The following TXNDC11 variants were observed in gnomAD, a reference collection of about 807,000 sequenced individuals.
TXNDC11 encodes the protein thioredoxin domain containing 11, also known as thioredoxin domain-containing protein 11.
In TXNDC11, 68 loss-of-function variants were observed where a neutral mutation model predicts 78.0. The observed-to-expected ratio is 0.87, with a 90% CI of 0.72 to 1.07. TXNDC11 has a LOEUF of 1.07. Ranked by LOEUF, TXNDC11 falls within the 50% of genes least tolerant of loss-of-function variation. TXNDC11 has a pLI of 0.00. For synonymous variants in TXNDC11, 571 were observed against 495.2 expected, an observed-to-expected ratio of 1.15 and a Z score of -2.03; for missense variants, 1,389 against 1,221.8, an observed-to-expected ratio of 1.14 and a Z score of -2.04.
Position 11,692,045 on chromosome 16 carries a change from C to G in TXNDC11, c.1145G>C (p.Gly382Ala), listed in dbSNP as rs754173608. 1.6e-5 allele frequency: 24 copies of G among 1,540,556 alleles called. No homozygotes were observed. Among genetic ancestry groups the G allele is most frequent in the East Asian group, 9.0e-5 (4 of 44,304 alleles). The change falls in exon 8 of 12, where the codon GGG becomes GCG. Residue 382 changes from glycine (G) to alanine (A), a missense_variant. By Grantham distance (60) the Gly-to-Ala change is moderately conservative. Coordinates refer to ENST00000283033, the MANE Select transcript of TXNDC11 (RefSeq NM_015914.7). ...EVALEYNNCHGDQVVERLLQH... is the reference protein window; with the variant it reads ...EVALEYNNCHADQVVERLLQH... ...AAGGAGACGCTCCACCACCTGGTCC[C>G]CATGACAGTTGTTGTACTCCAAGGC...
chr16:11,679,766 T>C lies in TXNDC11; in HGVS notation c.2306A>G (p.His769Arg), dbSNP rs1281645011. 1 of 1,614,134 alleles carries C rather than the reference T, an allele frequency of 6.2e-7. No homozygotes were observed. Among genetic ancestry groups the C allele is most frequent in the Non-Finnish European group, 8.5e-7 (1 of 1,180,030 alleles). The change falls in exon 12 of 12, where the codon CAT becomes CGT. Residue 769 changes from histidine (H) to arginine (R), a missense_variant. Transcript: ENST00000283033. The surrounding 1 kb of genome is among the most constrained non-coding windows in gnomAD (Gnocchi z 4.6). ...GGGGCTGGAAGCAGGGTCTGAGTGA[T>C]GCAAAATGAACCTCAACAGGTTTGG... ...TLPNLLRFIL[H>R]HSDPASSPQN... is the part of the protein sequence containing the mutation.
chr16:11,699,887 C>G (rs2050963710), intron 6 of TXNDC11, among the ~76,000 whole-genome samples: 1 of 152,212 alleles, frequency 6.6e-6, no homozygotes, highest in South Asian at 2.1e-4. Flanking sequence ...GGACACAGGT[C>G]AATGCTCAGA....
chr16:11,702,092 G>GTGTGTATATATATATATA (rs150869552), intron 5 of TXNDC11, among the ~76,000 whole-genome samples: 5 of 144,336 alleles, frequency 3.5e-5, no homozygotes, highest in African/African-American at 1.3e-4. Context: ...GTATGTATGT[G>GTGTGTATATATATATATA]TATATATATA....
Position 11,742,786 on chromosome 16 carries a change from C to T in TXNDC11, c.-56G>A. The T allele has an allele frequency of 1.4e-6, 2 of 1,396,896 alleles. No homozygotes were observed. Among genetic ancestry groups the T allele is most frequent in the Non-Finnish European group, 1.9e-6 (2 of 1,080,936 alleles). The allele number at this position is 1,396,896 out of a possible 1,614,324, so 86.5% of individuals were successfully genotyped here. A position where few individuals can be genotyped will look rare whatever the true frequency, so the allele number is the denominator to read the frequency against. On this transcript the variant is annotated 5_prime_UTR_variant, in exon 1 of 12. Coordinates refer to ENST00000283033, the MANE Select transcript of TXNDC11 (RefSeq NM_015914.7). ...CCGCCGCCGCCTCGGGCCCGAAGGC[C>T]CGGCCCGGCCCGTTGCTCCCCAATC...
chr16:11,692,714 AG>A (rs1233358397), intron 7 of TXNDC11, among the ~76,000 whole-genome samples: 1 of 152,118 alleles, frequency 6.6e-6, no homozygotes, highest in African/African-American at 2.4e-5. Context: ...ATGAGAGTGC[AG>A]GGGGAGATGG....
At chr16:11,684,010 C>T (rs2050500738) in intron 11 of TXNDC11, among the ~76,000 whole-genome samples, 155 bp downstream of exon 11, 1 of 152,126 alleles carries the variant, frequency 6.6e-6, no homozygotes, top group Non-Finnish European at 1.5e-5. Context: ...CTCAGCCTCC[C>T]AAAGTGCTGG....
At chr16:11,733,161 G>A (rs2052104453) in intron 3 of TXNDC11, among the ~76,000 whole-genome samples, 1 of 152,114 alleles carries the variant, frequency 6.6e-6, no homozygotes, top group African/African-American at 2.4e-5. Context: ...GGAGGCTGAG[G>A]CAGGAGAACG....
intron 5 of TXNDC11, among the ~76,000 whole-genome samples, chr16:11,701,878 G>A (rs1366956039): frequency 6.6e-6 from 1 of 152,142 alleles, no homozygotes; most frequent in East Asian, 1.9e-4. Flanking sequence ...ACACAGCTGG[G>A]ATTTCCACTG....
In TXNDC11 at chr16:11,701,267, G is replaced by T. The variant is rs865896998; in HGVS notation, c.794-703C>A. 4.0e-5 allele frequency among the ~76,000 whole-genome samples: 6 copies of T among 150,670 alleles called. No homozygotes were observed. The South Asian group carries it at 1.3e-3, about 32-fold the overall frequency. On this transcript the variant is annotated intron_variant, in intron 5 of 11. Transcript: ENST00000283033. ...TTCTCCTGCTTCAGCCTCCCAAGTAGCTGCAATTACAGGCGTGTGCCACCA... is the reference window on the plus strand; with the variant it reads ...TTCTCCTGCTTCAGCCTCCCAAGTATCTGCAATTACAGGCGTGTGCCACCA...
chr16:11,721,773 T>C, intron 4 of TXNDC11, 103 bp from the exon 5 acceptor site: 3 of 616,926 alleles, frequency 4.9e-6, no homozygotes, highest in Non-Finnish European at 8.5e-6. Flanking sequence ...AATTAATGCA[T>C]CTTGTTGCCT....
chr16:11,700,282 T>C (rs1357848388), intron 6 of TXNDC11, among the ~76,000 whole-genome samples, 170 bp downstream of exon 6: 2 of 152,228 alleles, frequency 1.3e-5, no homozygotes, highest in African/African-American at 4.8e-5. Context: ...GTTCTTAACC[T>C]GGAGCCTGGG....
At chr16:11,739,548 C>T (rs898436940) in intron 1 of TXNDC11, among the ~76,000 whole-genome samples, 2 of 152,132 alleles carry the variant, frequency 1.3e-5, no homozygotes, top group Non-Finnish European at 2.9e-5. Context: ...TGTTGAAACC[C>T]CAATTTTCCT....
chr16:11,739,188 A>C (rs1301001551), intron 1 of TXNDC11, among the ~76,000 whole-genome samples: 1 of 152,210 alleles, frequency 6.6e-6, no homozygotes, highest in African/African-American at 2.4e-5. Flanking sequence ...CCAATCAAAA[A>C]TCAAATATTG....
intron 10 of TXNDC11, among the ~76,000 whole-genome samples, chr16:11,686,651 G>A (rs934388738): frequency 1.3e-5 from 2 of 152,176 alleles, no homozygotes; most frequent in South Asian, 2.1e-4. Context: ...ACTTTAATAT[G>A]TTAAATGATA....
intron 10 of TXNDC11, among the ~76,000 whole-genome samples, chr16:11,685,324 C>T (rs147908457): frequency 0.01 from 1,580 of 152,160 alleles, 23 homozygotes; most frequent in African/African-American, 0.036. Flanking sequence ...GCATTCCAGC[C>T]TGGGCAACAG....
At chr16:11,734,261 T>C (rs2052154274) in intron 2 of TXNDC11, among the ~76,000 whole-genome samples, 182 bp from the exon 3 acceptor site, 1 of 152,174 alleles carries the variant, frequency 6.6e-6, no homozygotes, top group East Asian at 1.9e-4. Flanking sequence ...AAAGACATAC[T>C]CTTATCTATG....
chr16:11,692,121 G>A, intron 7 of TXNDC11, 39 bp from the exon 8 acceptor site: 1 of 1,467,592 alleles, frequency 6.8e-7, no homozygotes, highest in Non-Finnish European at 9.2e-7. Flanking sequence ...GCTTGGGGAT[G>A]ACTGAGGGAC....
chr16:11,684,872 C>A (rs1392273937), intron 10 of TXNDC11, among the ~76,000 whole-genome samples: 1 of 152,240 alleles, frequency 6.6e-6, no homozygotes, highest in East Asian at 1.9e-4. Context: ...GGAGCCACAA[C>A]AGCATCCTTT....
chr16:11,738,923 A>G (rs1488273965), intron 1 of TXNDC11, among the ~76,000 whole-genome samples: 1 of 152,188 alleles, frequency 6.6e-6, no homozygotes, highest in Admixed American at 6.5e-5. Flanking sequence ...GCCACTTGGG[A>G]GGCTGAGGCA....
Sources: gnomAD v4.1 joint callset for allele counts (sites outside exome capture counted in the v4.1 genomes callset) on GRCh38, gnomAD v4.1.1 for gene constraint, Gnocchi (gnomAD v3.1) non-coding constraint, MANE v1.5 for transcripts, NCBI Gene and HGNC (gene_info 2026-07-23, HGNC 2026-07-21) for gene names.